The following GRIA3 variants were observed in gnomAD, a reference collection of about 807,000 sequenced individuals.
The protein encoded by GRIA3 is glutamate ionotropic receptor AMPA type subunit 3, also known as glutamate receptor 3.
In GRIA3, 3 loss-of-function variants were observed where a neutral mutation model predicts 63.0. The ratio of observed to expected loss-of-function variants is 0.05; its 90% confidence interval spans 0.02 to 0.12. The LOEUF (loss-of-function observed/expected upper bound fraction) is 0.12. Ranked by LOEUF, GRIA3 falls within the 10% of genes least tolerant of loss-of-function variation. The pLI is 1.00. For missense variants in GRIA3, 347 were observed against 700.9 expected, an observed-to-expected ratio of 0.50 and a Z score of 5.70; for synonymous variants, 274 against 257.9, an observed-to-expected ratio of 1.06 and a Z score of -0.60.
chrX:123,461,616 AT>A (rs975351831), intron 12 of GRIA3, among the ~76,000 whole-genome samples: 1 of 110,675 alleles, frequency 9.0e-6, no homozygotes, highest in Non-Finnish European at 1.9e-5. Flanking sequence ...AAGAGTTTGG[AT>A]TTTTTTTTCC....
At chrX:123,328,085 T>G (rs1056777275) in intron 4 of GRIA3, among the ~76,000 whole-genome samples, 1 of 111,831 alleles carries the variant, frequency 8.9e-6, no homozygotes, top group East Asian at 2.8e-4. Flanking sequence ...TTTATAGAAC[T>G]TTATACTGCA....
chrX:123,246,178 G>A (rs2044358263), intron 2 of GRIA3, among the ~76,000 whole-genome samples: 1 of 112,049 alleles, frequency 8.9e-6, no homozygotes, highest in African/African-American at 3.2e-5. Context: ...GGTAGGGCAG[G>A]TGCACATTGA....
chrX:123,432,899 G>A (rs745638281), intron 12 of GRIA3, among the ~76,000 whole-genome samples: 3 of 111,443 alleles, frequency 2.7e-5, no homozygotes, highest in African/African-American at 6.5e-5. Context: ...AGAAACACAG[G>A]GGGGAAAAAT....
intron 4 of GRIA3, among the ~76,000 whole-genome samples, chrX:123,345,693 T>A (rs965927039): frequency 2.7e-5 from 3 of 110,712 alleles, no homozygotes; most frequent in Non-Finnish European, 5.7e-5. Flanking sequence ...ACTCCTTCCC[T>A]CCATCTCCAG....
intron 2 of GRIA3, among the ~76,000 whole-genome samples, chrX:123,218,631 A>T (rs934510842): frequency 9.0e-6 from 1 of 111,131 alleles, no homozygotes; most frequent in Non-Finnish European, 1.9e-5. Context: ...CTCTTTAATG[A>T]GACTTCTCTG....
chrX:123,356,787 A>T (rs1324852732), intron 5 of GRIA3, among the ~76,000 whole-genome samples: 2 of 111,700 alleles, frequency 1.8e-5, no homozygotes, highest in African/African-American at 6.5e-5. Flanking sequence ...AAGGTAAGGG[A>T]CCTTGGGCAA....
intron 3 of GRIA3, among the ~76,000 whole-genome samples, chrX:123,298,185 T>C (rs914461429): frequency 8.1e-5 from 9 of 111,623 alleles, no homozygotes; most frequent in African/African-American, 2.9e-4. Flanking sequence ...TATGCTGCAA[T>C]GAACAGTCAC....
At chrX:123,280,036 C>A (rs1227591697) in intron 3 of GRIA3, among the ~76,000 whole-genome samples, 1 of 112,412 alleles carries the variant, frequency 8.9e-6, no homozygotes, top group East Asian at 2.8e-4. Context: ...CCATTCCCAA[C>A]TGTGCATAAA....
rs142909559 is a variant in GRIA3 at position 123,312,636 on chromosome X, G to C, written c.509-13390G>C. ...TATGCTTTAACACACAAACTTGTTT[G>C]TGGGCTCTCTCACTCCTCCATGCAA... On this transcript the variant is annotated intron_variant, in intron 3 of 15. Coordinates refer to ENST00000620443, the MANE Select transcript of GRIA3 (RefSeq NM_007325.5). Among the ~76,000 whole-genome samples the C allele has an allele frequency of 2.5e-3, 285 of 111,845 alleles. 1 individual carries two copies. The highest frequency in any genetic ancestry group is 8.7e-3 in the African/African-American group (267 of 30,843).
chrX:123,278,158 T>C (rs1043128608), intron 3 of GRIA3, among the ~76,000 whole-genome samples: 1 of 111,936 alleles, frequency 8.9e-6, no homozygotes, highest in East Asian at 2.8e-4. Flanking sequence ...CCATGTACAA[T>C]GGTGAGCATT....
At chrX:123,368,975 CAG>C (rs1236044813) in intron 5 of GRIA3, among the ~76,000 whole-genome samples, 1 of 111,093 alleles carries the variant, frequency 9.0e-6, no homozygotes, top group Admixed American at 9.6e-5. Flanking sequence ...TTAAAGAAAA[CAG>C]GGGATCAAAA....
At chrX:123,429,202 C>T (rs1238812510) in intron 12 of GRIA3, among the ~76,000 whole-genome samples, 1 of 111,611 alleles carries the variant, frequency 9.0e-6, no homozygotes, top group Admixed American at 9.5e-5. Flanking sequence ...TGGTTCTAAA[C>T]CTCCTTTTTA....
chrX:123,358,342 G>A (rs953167198), intron 5 of GRIA3: 3 of 112,253 alleles, frequency 2.7e-5, no homozygotes, highest in South Asian at 3.7e-4. Context: ...ATCACTTCCT[G>A]CAGTTCCCTT....
intron 2 of GRIA3, among the ~76,000 whole-genome samples, chrX:123,212,705 T>C (rs1163984498): frequency 8.9e-6 from 1 of 112,433 alleles, no homozygotes; most frequent in African/African-American, 3.2e-5. Context: ...AGTCGTTCTA[T>C]TAGTATTGGA....
Position 123,254,084 on chromosome X carries a change from T to C in GRIA3, c.508+542T>C, listed in dbSNP as rs774584499. On this transcript the variant is annotated intron_variant, in intron 3 of 15. Coordinates refer to ENST00000620443, the MANE Select transcript of GRIA3 (RefSeq NM_007325.5). ...TTAGCAGGCCTCAACAATTATCTGA[T>C]AGAAATAATGAGTGAGACAGCTAAA... 2.7e-5 allele frequency among the ~76,000 whole-genome samples: 3 copies of C among 111,985 alleles called. No homozygotes were observed. The South Asian group carries it at 1.1e-3, about 42-fold the overall frequency.
At chrX:123,277,295 A>G (rs1470482159) in intron 3 of GRIA3, among the ~76,000 whole-genome samples, 1 of 111,659 alleles carries the variant, frequency 9.0e-6, no homozygotes, top group African/African-American at 3.2e-5. Flanking sequence ...ATATTTTAAA[A>G]TATACAATTA....
At chrX:123,452,602 A>C (rs2045739062) in intron 12 of GRIA3, among the ~76,000 whole-genome samples, 1 of 112,044 alleles carries the variant, frequency 8.9e-6, no homozygotes, top group African/African-American at 3.2e-5. Context: ...TGGCCTCCAC[A>C]CTACAATTAA....
chrX:123,231,295 G>C (rs754719899), intron 2 of GRIA3, among the ~76,000 whole-genome samples: 5 of 111,490 alleles, frequency 4.5e-5, no homozygotes, highest in African/African-American at 1.6e-4. Flanking sequence ...AGAGATCATT[G>C]GATTCTCATT....
chrX:123,336,583 G>T (rs895786620), intron 4 of GRIA3, among the ~76,000 whole-genome samples: 4 of 111,461 alleles, frequency 3.6e-5, no homozygotes, highest in Non-Finnish European at 3.8e-5. Context: ...AAGTGGAAGA[G>T]ATTCATAGCC....
Sources: gnomAD v4.1 joint callset for allele counts (sites outside exome capture counted in the v4.1 genomes callset) on GRCh38, gnomAD v4.1.1 for gene constraint, MANE v1.5 for transcripts, NCBI Gene and HGNC (gene_info 2026-07-23, HGNC 2026-07-21) for gene names.